The following TMTC2 variants were observed in gnomAD, a reference collection of about 807,000 sequenced individuals.
TMTC2 encodes protein O-mannosyl-transferase TMTC2.
In TMTC2, 43 loss-of-function variants were observed where a neutral mutation model predicts 82.4. The observed-to-expected ratio is 0.52, with a 90% CI of 0.41 to 0.67. TMTC2 has a LOEUF of 0.67. TMTC2 is among the 30% of genes least tolerant of loss of function. TMTC2 has a pLI of 0.00. For missense variants in TMTC2, 919 were observed against 1,012.4 expected, an observed-to-expected ratio of 0.91 and a Z score of 1.25; for synonymous variants, 408 against 381.9, an observed-to-expected ratio of 1.07 and a Z score of -0.80.
chr12:82,757,618 T>C (rs1356380253), intron 1 of TMTC2, among the ~76,000 whole-genome samples: 1 of 152,208 alleles, frequency 6.6e-6, no homozygotes, highest in Non-Finnish European at 1.5e-5. Context: ...AAATATTTAT[T>C]AATGAATTTT....
At chr12:82,950,473 C>T (rs1479855425) in intron 4 of TMTC2, among the ~76,000 whole-genome samples, 1 of 152,192 alleles carries the variant, frequency 6.6e-6, no homozygotes, top group South Asian at 2.1e-4. Flanking sequence ...CTAGATCCAA[C>T]AATAACAACT....
chr12:82,716,883 T>C (rs1699749444), intron 1 of TMTC2, among the ~76,000 whole-genome samples: 2 of 152,204 alleles, frequency 1.3e-5, no homozygotes, highest in Non-Finnish European at 2.9e-5. Context: ...GACATATAAG[T>C]ACTGTATTGC....
rs1169347119 is a variant in TMTC2, at chr12:83,133,329, T to A, written c.*940T>A. On this transcript the variant is annotated 3_prime_UTR_variant, in exon 12 of 12. Transcript: ENST00000321196. ...AGGTTATTAGACAAAAGGGAAGGTGTTTTGTGCTTCTCAGATGTTGCTGGT... is the reference window on the plus strand; with the variant it reads ...AGGTTATTAGACAAAAGGGAAGGTGATTTGTGCTTCTCAGATGTTGCTGGT... 4.6e-5 allele frequency: 7 copies of A among 152,192 alleles called. No homozygotes were observed. Among genetic ancestry groups the A allele is most frequent in the Non-Finnish European group, 1.0e-4 (7 of 68,058 alleles). The allele number at this position is 152,192 out of a possible 1,614,324, so 9.4% of individuals were successfully genotyped here.
At chr12:82,726,651 TG>T in intron 1 of TMTC2, among the ~76,000 whole-genome samples, 1 of 151,900 alleles carries the variant, frequency 6.6e-6, no homozygotes, top group Non-Finnish European at 1.5e-5. Context: ...GAGGCCAAGG[TG>T]GGCAGATCAC....
intron 1 of TMTC2, among the ~76,000 whole-genome samples, chr12:82,807,817 G>C (rs10862511): frequency 1.3e-5 from 2 of 151,822 alleles, no homozygotes; most frequent in Non-Finnish European, 2.9e-5. Context: ...TTTAGACTGG[G>C]AAGTAATAGT....
intron 3 of TMTC2, among the ~76,000 whole-genome samples, chr12:82,923,761 T>C (rs1384312069): frequency 6.6e-6 from 1 of 152,220 alleles, no homozygotes; most frequent in African/African-American, 2.4e-5. Flanking sequence ...TGTATTTACA[T>C]AGAATTCATA....
chr12:83,035,044 G>A (rs991536300), intron 9 of TMTC2, among the ~76,000 whole-genome samples: 13 of 152,132 alleles, frequency 8.5e-5, no homozygotes, highest in African/African-American at 3.1e-4. Flanking sequence ...TTTTGCAAAT[G>A]CCAATGAAAG....
At chr12:83,103,435 C>T (rs977401849) in intron 11 of TMTC2, among the ~76,000 whole-genome samples, 3 of 152,108 alleles carry the variant, frequency 2.0e-5, no homozygotes, top group Non-Finnish European at 2.9e-5. Context: ...CTCAGCTTCT[C>T]AGGAGGCCTC....
intron 9 of TMTC2, among the ~76,000 whole-genome samples, chr12:83,050,185 G>C (rs556406057): frequency 1.3e-5 from 2 of 152,242 alleles, no homozygotes; most frequent in South Asian, 4.1e-4. Flanking sequence ...ATCCGTATCA[G>C]ATAAGGCTTA....
At chr12:82,841,830 C>T (rs1870352785) in intron 1 of TMTC2, among the ~76,000 whole-genome samples, 1 of 152,148 alleles carries the variant, frequency 6.6e-6, no homozygotes, top group Admixed American at 6.5e-5. Flanking sequence ...GCTGCCTTTT[C>T]CACCCGTCAC....
chr12:83,024,183 T>A (rs1284114690), intron 8 of TMTC2, among the ~76,000 whole-genome samples: 1 of 152,174 alleles, frequency 6.6e-6, no homozygotes, highest in Non-Finnish European at 1.5e-5. Flanking sequence ...ACTTGGTCAT[T>A]ATATGGAATA....
At chr12:82,844,667 T>G (rs1870535120) in intron 1 of TMTC2, among the ~76,000 whole-genome samples, 4 of 151,948 alleles carry the variant, frequency 2.6e-5, no homozygotes, top group Admixed American at 2.6e-4. Context: ...CTGCGCTTGG[T>G]GGCGGGCGCC....
At chr12:82,885,536 A>ATTT (rs10645908) in intron 2 of TMTC2, among the ~76,000 whole-genome samples, 39 of 146,134 alleles carry the variant, frequency 2.7e-4, no homozygotes, top group African/African-American at 8.3e-4. Flanking sequence ...TGTCTGGCTA[A>ATTT]TTTTTTTTTT....
intron 4 of TMTC2, among the ~76,000 whole-genome samples, chr12:82,960,699 C>G (rs1877881975): frequency 6.6e-6 from 1 of 151,858 alleles, no homozygotes; most frequent in South Asian, 2.1e-4. Flanking sequence ...TGCTCAGTAC[C>G]TGGGTGATGG....
chr12:83,054,512 A>T (rs1044318505), intron 10 of TMTC2, among the ~76,000 whole-genome samples: 1 of 151,814 alleles, frequency 6.6e-6, no homozygotes, highest in African/African-American at 2.4e-5. Flanking sequence ...ATGCATAATT[A>T]TAAGTAATTA....
chr12:82,820,025 A>C (rs554551981), intron 1 of TMTC2, among the ~76,000 whole-genome samples: 1 of 152,292 alleles, frequency 6.6e-6, no homozygotes, highest in South Asian at 2.1e-4. Flanking sequence ...GTCTGTGGTC[A>C]AAGGTCCAAG....
chr12:82,791,022 A>G (rs1397290018), intron 1 of TMTC2, among the ~76,000 whole-genome samples: 1 of 152,006 alleles, frequency 6.6e-6, no homozygotes, highest in African/African-American at 2.4e-5. Flanking sequence ...GGTGAGCATC[A>G]TCTCTGGGCT....
At chr12:82,736,977 A>G (rs181623295) in intron 1 of TMTC2, among the ~76,000 whole-genome samples, 1 of 152,206 alleles carries the variant, frequency 6.6e-6, no homozygotes, top group Non-Finnish European at 1.5e-5. Flanking sequence ...GATTTTAGAC[A>G]TTCTTAAATC....
intron 11 of TMTC2, among the ~76,000 whole-genome samples, chr12:83,094,926 G>A (rs545273452): frequency 1.3e-5 from 2 of 152,278 alleles, no homozygotes; most frequent in South Asian, 4.2e-4. Flanking sequence ...GTTCGGGGAT[G>A]GAGATACAAA....
Sources: gnomAD v4.1 joint callset for allele counts (sites outside exome capture counted in the v4.1 genomes callset) on GRCh38, gnomAD v4.1.1 for gene constraint, MANE v1.5 for transcripts, NCBI Gene and HGNC (gene_info 2026-07-23, HGNC 2026-07-21) for gene names.